The following FUT8 variants were observed in gnomAD, a reference collection of about 807,000 sequenced individuals.
FUT8 encodes alpha-(1,6)-fucosyltransferase.
Under a neutral mutation model 71.3 loss-of-function variants are expected in FUT8, and 29 were observed. That is an observed-to-expected ratio of 0.41 (90% CI 0.30 to 0.55). FUT8 has a LOEUF of 0.55. Among genes scored for constraint, FUT8 ranks in the 20% least tolerant of loss-of-function variants. The pLI, the probability that FUT8 is intolerant of heterozygous loss-of-function variation, is 0.34. For missense variants in FUT8, 544 were observed against 702.1 expected, an observed-to-expected ratio of 0.77 and a Z score of 2.55; for synonymous variants, 254 against 239.3, an observed-to-expected ratio of 1.06 and a Z score of -0.57.
rs1885906261 is a variant in FUT8 at position 65,561,408 on chromosome 14, T to G, written c.-156T>G. The G allele has an allele frequency of 3.0e-6, 2 of 667,826 alleles. No homozygotes were observed. The highest frequency in any genetic ancestry group is 2.6e-6 in the Non-Finnish European group (1 of 384,522). The allele number at this position is 667,826 out of a possible 1,614,324, so 41.4% of individuals were successfully genotyped here. On this transcript the variant is annotated 5_prime_UTR_variant, in exon 3 of 11. Coordinates refer to ENST00000673929, the MANE Select transcript of FUT8 (RefSeq NM_001371533.1). ...TCACCAGGAGGATCTCTTTGAAAGA[T>G]TCACTGCAGGACTACCAGAGAGAAT...
At chr14:65,405,367 T>C in the FUT8 span, among the ~76,000 whole-genome samples, 1,096 of 152,206 alleles carry the variant, frequency 7.2e-3, 12 homozygotes, top group African/African-American at 0.024. Context: ...AGAAAAGATA[T>C]AGGAAGGTAA....
the FUT8 span, among the ~76,000 whole-genome samples, chr14:65,385,299 G>A: frequency 0.14 from 20,554 of 152,034 alleles, 2,046 homozygotes; most frequent in East Asian, 0.54. Flanking sequence ...TTCCATATCC[G>A]AAGTGTTGCA....
intron 6 of FUT8, among the ~76,000 whole-genome samples, chr14:65,630,459 C>T (rs1890125293): frequency 6.6e-6 from 1 of 152,046 alleles, no homozygotes; most frequent in Non-Finnish European, 1.5e-5. Flanking sequence ...ATTTTGGAGT[C>T]ACAACCTGCT....
At chr14:65,719,481 G>C (rs1895293183) in intron 7 of FUT8, among the ~76,000 whole-genome samples, 1 of 151,996 alleles carries the variant, frequency 6.6e-6, no homozygotes. Flanking sequence ...TGTTTTTCAA[G>C]GCCATGTTTT....
chr14:65,436,037 TC>T (rs1250803647), intron 1 of FUT8, among the ~76,000 whole-genome samples: 1 of 151,890 alleles, frequency 6.6e-6, no homozygotes, highest in Non-Finnish European at 1.5e-5. Flanking sequence ...CTCAAGCAGT[TC>T]TTCTACCTCA....
intron 2 of FUT8, among the ~76,000 whole-genome samples, chr14:65,459,343 T>C (rs1200992536): frequency 6.6e-6 from 1 of 152,182 alleles, no homozygotes; most frequent in Non-Finnish European, 1.5e-5. Context: ...TATGCTTTAA[T>C]TCACATAAAA....
At chr14:65,717,235 G>A (rs1277188354) in intron 7 of FUT8, among the ~76,000 whole-genome samples, 2 of 138,584 alleles carry the variant, frequency 1.4e-5, no homozygotes, top group African/African-American at 5.5e-5. Flanking sequence ...CGGCCGGGCA[G>A]AGGCGCTCCT....
At chr14:65,650,610 C>G (rs996455294) in intron 6 of FUT8, among the ~76,000 whole-genome samples, 7 of 151,050 alleles carry the variant, frequency 4.6e-5, no homozygotes, top group Middle Eastern at 3.4e-3. Flanking sequence ...AGTCACCTTT[C>G]ACCAGGCCCC....
intron 6 of FUT8, among the ~76,000 whole-genome samples, chr14:65,667,502 C>T (rs988680391): frequency 3.3e-5 from 5 of 152,070 alleles, no homozygotes; most frequent in Non-Finnish European, 5.9e-5. Context: ...AATTACAAAA[C>T]ACTGCTCAAA....
At chr14:65,633,264 G>A (rs1177709818) in intron 6 of FUT8, among the ~76,000 whole-genome samples, 4 of 152,164 alleles carry the variant, frequency 2.6e-5, no homozygotes, top group Non-Finnish European at 5.9e-5. Context: ...CGAGTGATCC[G>A]CCAGCCTCGG....
At chr14:65,517,690 T>C (rs1882806437) in intron 2 of FUT8, among the ~76,000 whole-genome samples, 1 of 152,226 alleles carries the variant, frequency 6.6e-6, no homozygotes. Flanking sequence ...TGAGTTACTT[T>C]CCTTCTACCA....
At chr14:65,719,032 T>TTGA (rs1157663935) in intron 7 of FUT8, among the ~76,000 whole-genome samples, 13 of 152,330 alleles carry the variant, frequency 8.5e-5, no homozygotes, top group Admixed American at 6.5e-5. Flanking sequence ...CTCTGTTTCA[T>TTGA]CCCTTTGAAT....
intron 1 of FUT8, among the ~76,000 whole-genome samples, chr14:65,421,962 G>A (rs1677160936): frequency 6.6e-6 from 1 of 151,796 alleles, no homozygotes; most frequent in Admixed American, 6.6e-5. Context: ...TTCTTTATTG[G>A]CATTCTCTTT....
chr14:65,358,565 T>TA, the FUT8 span, among the ~76,000 whole-genome samples: 1 of 152,064 alleles, frequency 6.6e-6, no homozygotes, highest in African/African-American at 2.4e-5. Flanking sequence ...GCGATCCTCC[T>TA]ACTTCGGTCT....
chr14:65,413,575 C>T lies in FUT8; in HGVS notation c.-326+361C>T, dbSNP rs1035698173. On this transcript the variant is annotated intron_variant, in intron 1 of 10. Coordinates refer to ENST00000673929, the MANE Select transcript of FUT8 (RefSeq NM_001371533.1). This position sits in a 1 kb window ranked among gnomAD's most constrained non-coding sequence, Gnocchi z 4.1. ...CGGGGGTGGGAGGTGTCCGTCGTTT[C>T]CCCTCCACACCTACCTTCCCTTCGT... 2.9e-4 allele frequency among the ~76,000 whole-genome samples: 44 copies of T among 152,290 alleles called. No individual in the cohort carries two copies. The highest frequency in any genetic ancestry group is 1.0e-3 in the African/African-American group (42 of 41,572).
chr14:65,534,358 T>G (rs12431420), intron 2 of FUT8, among the ~76,000 whole-genome samples: 21,156 of 151,860 alleles, frequency 0.14, 1,946 homozygotes, highest in East Asian at 0.38. Flanking sequence ...TCGCCCAGGC[T>G]GGAGTTCTCT....
upstream of FUT8, chr14:65,411,947 C>CCA (rs1846722425): frequency 2.2e-6 from 1 of 447,416 alleles, no homozygotes; most frequent in Admixed American, 2.4e-5. Flanking sequence ...GCCCTTCGGT[C>CCA]CACTGCTCTG....
At chr14:65,392,714 G>T in the FUT8 span, among the ~76,000 whole-genome samples, 1 of 152,182 alleles carries the variant, frequency 6.6e-6, no homozygotes, top group Admixed American at 6.5e-5. Flanking sequence ...GGAGAAAAAT[G>T]TTACTTAAAA....
chr14:65,582,593 C>T (rs1020165293), intron 3 of FUT8, among the ~76,000 whole-genome samples: 2 of 152,098 alleles, frequency 1.3e-5, no homozygotes, highest in Admixed American at 1.3e-4. Flanking sequence ...CTTTCTTGAC[C>T]TCATTCATCT....
Sources: allele counts gnomAD v4.1 joint callset (sites outside exome capture counted in the v4.1 genomes callset), GRCh38; gene constraint gnomAD v4.1.1; non-coding constraint Gnocchi (gnomAD v3.1); transcripts MANE v1.5; gene names NCBI Gene and HGNC (gene_info 2026-07-23, HGNC 2026-07-21).